The following SPIC variants were observed in gnomAD, a reference collection of about 807,000 sequenced individuals.
SPIC encodes the protein transcription factor Spi-C.
SPIC carries 9 observed loss-of-function variants against 16.7 expected under a neutral mutation model. The ratio of observed to expected loss-of-function variants is 0.54; its 90% CI spans 0.33 to 0.94. SPIC has a LOEUF of 0.94. Ranked by LOEUF, SPIC falls within the 40% of genes least tolerant of loss-of-function variation. The probability of loss-of-function intolerance (pLI) is 0.03; values close to 1 mark genes in which losing one functional copy is unlikely to be tolerated. For missense variants in SPIC, 241 were observed against 285.8 expected (o/e 0.84, Z 1.13); for synonymous variants, 97 against 102.9 (o/e 0.94, Z 0.35).
intron 2 of SPIC, 60 bp downstream of exon 2, chr12:101,476,967 A>G: frequency 8.3e-7 from 1 of 1,202,830 alleles, no homozygotes; most frequent in South Asian, 2.4e-5. Flanking sequence ...ACAGCATAAT[A>G]ATTAAAAAAC....
At chr12:101,484,917 A>G (rs1309542583) in intron 5 of SPIC, among the ~76,000 whole-genome samples, 1 of 152,146 alleles carries the variant, frequency 6.6e-6, no homozygotes, top group Non-Finnish European at 1.5e-5. Flanking sequence ...ACATAAAAAA[A>G]TACGGAAAAC....
intron 4 of SPIC, 114 bp from the exon 5 acceptor site, chr12:101,482,678 C>G (rs143269539): frequency 0.018 from 17,812 of 981,532 alleles, 202 homozygotes; most frequent in South Asian, 0.03. Context: ...GGGGTAATTC[C>G]TTTTGCAATC....
At chr12:101,476,461 C>T (rs1318581763) in intron 1 of SPIC, among the ~76,000 whole-genome samples, 3 of 151,950 alleles carry the variant, frequency 2.0e-5, no homozygotes, top group Non-Finnish European at 2.9e-5. Flanking sequence ...TAAAAAAGCC[C>T]TATTTTTATA....
intron 4 of SPIC, among the ~76,000 whole-genome samples, chr12:101,481,412 C>T (rs1593492593): frequency 1.3e-5 from 2 of 152,046 alleles, no homozygotes; most frequent in Admixed American, 6.6e-5. Flanking sequence ...GGCACCATCT[C>T]GGCTCACTGC....
At chr12:101,483,800 G>A (rs1873282557) in intron 5 of SPIC, among the ~76,000 whole-genome samples, 1 of 151,774 alleles carries the variant, frequency 6.6e-6, no homozygotes, top group South Asian at 2.1e-4. Flanking sequence ...GTTTTGTCAT[G>A]TTGGCCAGGC....
chr12:101,478,305 A>C (rs2121243007), intron 3 of SPIC, among the ~76,000 whole-genome samples: 1 of 152,238 alleles, frequency 6.6e-6, no homozygotes, highest in African/African-American at 2.4e-5. Context: ...CGCTGGGATT[A>C]CAGGCATGAG....
In SPIC at chr12:101,477,600, G is replaced by C; in HGVS notation, c.46G>C (p.Ala16Pro). 1 of 1,613,902 alleles carries C rather than the reference G, an allele frequency of 6.2e-7. No homozygotes were observed. Residue 16 changes from alanine (A) to proline (P), a missense_variant, in exon 3 of 6, where the codon GCT becomes CCT. Ala to Pro is a conservative substitution (Grantham distance 27). Transcript: ENST00000551346. ...CAAGCTGGGTCAAGCATTTGAAGAT[G>C]CTTTTGAGGTTCTGAGGCAACATTC... is the stretch of plus-strand genomic sequence containing the variant. Reference protein sequence around the residue: ...QDKLGQAFEDAFEVLRQHSTG... With the variant: ...QDKLGQAFEDPFEVLRQHSTG...
intron 1 of SPIC, among the ~76,000 whole-genome samples, chr12:101,475,755 C>T (rs1872939269): frequency 6.6e-6 from 1 of 152,162 alleles, no homozygotes; most frequent in South Asian, 2.1e-4. Context: ...ATACAACATT[C>T]AGTGCTTCTG....
chr12:101,481,502 C>T (rs1342131761), intron 4 of SPIC, among the ~76,000 whole-genome samples: 1 of 151,558 alleles, frequency 6.6e-6, no homozygotes, highest in African/African-American at 2.4e-5. Flanking sequence ...CACCACCACC[C>T]ACAGCTAATT....
At chr12:101,479,084 C>T (rs2121245003) in intron 3 of SPIC, among the ~76,000 whole-genome samples, 1 of 147,642 alleles carries the variant, frequency 6.8e-6, no homozygotes, top group East Asian at 2.0e-4. Flanking sequence ...CTGCAGTGAA[C>T]CGAAATAACG....
At chr12:101,486,218 C>A (rs1226111555) in intron 5 of SPIC, 126 bp from the exon 6 acceptor site, 1 of 837,578 alleles carries the variant, frequency 1.2e-6, no homozygotes, top group East Asian at 2.5e-5. Flanking sequence ...TTCGTAAGGG[C>A]AGTGAGTGGG....
rs1565829756 is a variant in SPIC, at chr12:101,475,381, A to T, written c.-199A>T. 2 of 151,662 alleles carry T rather than the reference A, an allele frequency of 1.3e-5. No homozygotes were observed. The highest frequency in any genetic ancestry group is 2.9e-5 in the Non-Finnish European group (2 of 67,906). The allele number at this position is 151,662 out of a possible 1,614,324, so 9.4% of individuals were successfully genotyped here. ...TCTAATTTTTAAAAAAAATATTACT[A>T]TTTTTTTTCATCAGAGCCATTGCAC... is the stretch of plus-strand genomic sequence containing the variant. On this transcript the variant is annotated 5_prime_UTR_variant, in exon 1 of 6. Coordinates refer to ENST00000551346, the MANE Select transcript of SPIC (RefSeq NM_152323.3).
At chr12:101,486,317 G>A (rs1377100030) in intron 5 of SPIC, 27 bp from the exon 6 acceptor site, 1 of 1,581,978 alleles carries the variant, frequency 6.3e-7, no homozygotes. Flanking sequence ...CCACGGTGGA[G>A]TTTGACCTTG....
chr12:101,478,048 T>G (rs544819833), intron 3 of SPIC, among the ~76,000 whole-genome samples: 1,862 of 150,494 alleles, frequency 0.012, 6 homozygotes, highest in Middle Eastern at 0.031. Context: ...TTTTTTTTTT[T>G]TGAGACGAAG....
chr12:101,477,480 T>G, intron 2 of SPIC, 78 bp from the exon 3 acceptor site: 1 of 1,362,748 alleles, frequency 7.3e-7, no homozygotes, highest in Non-Finnish European at 1.0e-6. Context: ...TCCTTTAGAC[T>G]AAATACTATT....
rs371207633 is a variant in SPIC at position 101,482,904 on chromosome 12, C to T, written c.319+4C>T. ...CTCCAGCAAAAGGGGGGAAAAGGTACGTTGATCCATCATTCGTTATACAGG... is the reference window on the plus strand; with the variant it reads ...CTCCAGCAAAAGGGGGGAAAAGGTATGTTGATCCATCATTCGTTATACAGG... On this transcript the variant is annotated splice_donor_region_variant and intron_variant, in intron 5 of 5. Coordinates refer to ENST00000551346, the MANE Select transcript of SPIC (RefSeq NM_152323.3). 44 of 1,611,614 alleles carry T rather than the reference C, an allele frequency of 2.7e-5. 1 individual carries two copies. In the African/African-American group the frequency reaches 3.7e-4, roughly 14 times the overall value.
At chr12:101,484,525 G>T (rs1277811438) in intron 5 of SPIC, among the ~76,000 whole-genome samples, 1 of 151,654 alleles carries the variant, frequency 6.6e-6, no homozygotes, top group East Asian at 1.9e-4. Context: ...GACAGAGTGA[G>T]ACTCCAACTC....
chr12:101,478,298 TG>T (rs1873028308), intron 3 of SPIC, among the ~76,000 whole-genome samples: 2 of 152,156 alleles, frequency 1.3e-5, no homozygotes, highest in African/African-American at 4.8e-5. Context: ...CCCAAAGCGC[TG>T]GGATTACAGG....
chr12:101,477,580 T>C lies in SPIC; in HGVS notation c.26T>C (p.Leu9Pro). 1 of 1,614,122 alleles carries C rather than the reference T, an allele frequency of 6.2e-7. No homozygotes were observed. The highest frequency in any genetic ancestry group is 1.3e-5 in the African/African-American group (1 of 75,050). The change falls in exon 3 of 6, where the codon CTG becomes CCG. Residue 9 changes from leucine to proline, a missense_variant. Coordinates refer to ENST00000551346, the MANE Select transcript of SPIC (RefSeq NM_152323.3). ...CAGACGTGTGTTGAACAAGACAAGC[T>C]GGGTCAAGCATTTGAAGATGCTTTT... is the stretch of plus-strand genomic sequence containing the variant. Reference protein sequence around the residue: MTCVEQDKLGQAFEDAFEV... With the variant: MTCVEQDKPGQAFEDAFEV...
Sources: allele counts gnomAD v4.1 joint callset (sites outside exome capture counted in the v4.1 genomes callset), GRCh38; gene constraint gnomAD v4.1.1; transcripts MANE v1.5; gene names NCBI Gene and HGNC (gene_info 2026-07-23, HGNC 2026-07-21).